The following KANK1 variants were observed in gnomAD, a reference collection of about 807,000 sequenced individuals.
The protein encoded by KANK1 is KN motif and ankyrin repeat domain-containing protein 1.
Under a neutral mutation model 106.2 loss-of-function variants are expected in KANK1, and 109 were observed. That is an observed-to-expected ratio of 1.03 (90% CI 0.88 to 1.20). The LOEUF is 1.20. KANK1 is among the 50% of genes most tolerant of loss of function. The probability of loss-of-function intolerance (pLI) is 0.00; values close to 1 mark genes in which losing one functional copy is unlikely to be tolerated. For missense variants in KANK1, 2,399 were observed against 1,710.7 expected, an observed-to-expected ratio of 1.40 and a Z score of -7.10; for synonymous variants, 873 against 652.2, an observed-to-expected ratio of 1.34 and a Z score of -5.16.
At chr9:687,674 G>A (rs946242057) in intron 2 of KANK1, among the ~76,000 whole-genome samples, 2 of 151,640 alleles carry the variant, frequency 1.3e-5, no homozygotes, top group Non-Finnish European at 2.9e-5. Flanking sequence ...ATTAATATAA[G>A]CCCTTCTTAT....
chr9:532,237 C>CTTTT (rs34351693), intron 1 of KANK1, among the ~76,000 whole-genome samples: 1 of 107,768 alleles, frequency 9.3e-6, no homozygotes, highest in African/African-American at 3.5e-5. Flanking sequence ...GAGCATTTGT[C>CTTTT]TTTTTTTTTT....
intron 2 of KANK1, among the ~76,000 whole-genome samples, chr9:688,629 A>T (rs1411656323): frequency 6.6e-6 from 1 of 150,852 alleles, no homozygotes; most frequent in African/African-American, 2.4e-5. Flanking sequence ...AGAAAGAAAG[A>T]TGGTATTGTC....
At position 740,768 on chromosome 9, in the gene KANK1, ACTTTTT is replaced by A. The variant is rs1564132634; in HGVS notation, c.3554-23_3554-18del. On this transcript the variant is annotated intron_variant, in intron 8 of 11. Coordinates refer to ENST00000382297, the MANE Select transcript of KANK1 (RefSeq NM_015158.5). The stretch of plus-strand genomic sequence containing the variant: ...ATTAGAAGGGGCTGCTTCCTAAGAG[ACTTTTT>A]TTTTTTTTTTTTTACAGATGTGTGT... The A allele has an allele frequency of 6.6e-7, 1 of 1,505,790 alleles. No individual in the cohort carries two copies. 93.3% of individuals were successfully genotyped at this position (1,505,790 alleles called of 1,614,324 possible).
intron 1 of KANK1, among the ~76,000 whole-genome samples, chr9:629,125 A>G (rs1835067917): frequency 6.6e-6 from 1 of 151,034 alleles, no homozygotes; most frequent in Non-Finnish European, 1.5e-5. Flanking sequence ...CTTTCTCTGT[A>G]GTATGTAAAA....
chr9:566,909 G>A (rs542395023), intron 1 of KANK1, among the ~76,000 whole-genome samples: 4 of 152,190 alleles, frequency 2.6e-5, no homozygotes, highest in East Asian at 1.9e-4. Context: ...TGACATTCTC[G>A]TCACGAAATC....
At chr9:599,307 C>A (rs1827138041) in intron 1 of KANK1, among the ~76,000 whole-genome samples, 1 of 151,490 alleles carries the variant, frequency 6.6e-6, no homozygotes, top group Non-Finnish European at 1.5e-5. Context: ...TGTGAGCCAC[C>A]ACACCCGGCA....
chr9:613,196 C>T (rs145179313), intron 1 of KANK1, among the ~76,000 whole-genome samples: 32 of 151,724 alleles, frequency 2.1e-4, no homozygotes, highest in African/African-American at 7.0e-4. Flanking sequence ...TAATTGTGAC[C>T]AGATACATAG....
chr9:514,983 C>G (rs1189165320), intron 1 of KANK1, among the ~76,000 whole-genome samples: 1 of 151,688 alleles, frequency 6.6e-6, no homozygotes, highest in African/African-American at 2.4e-5. Flanking sequence ...CCCTAGATGA[C>G]TAATGAAGAT....
intron 1 of KANK1, among the ~76,000 whole-genome samples, chr9:525,532 G>T (rs147616244): frequency 2.0e-5 from 3 of 150,958 alleles, no homozygotes; most frequent in Admixed American, 1.3e-4. Context: ...GGGATGCGCC[G>T]CCATGCCCTG....
At chr9:506,107 A>G (rs1045933598) in intron 1 of KANK1, among the ~76,000 whole-genome samples, 12 of 152,196 alleles carry the variant, frequency 7.9e-5, no homozygotes, top group Non-Finnish European at 1.6e-4. Context: ...CATCACTACC[A>G]TCTGATTCCA....
At chr9:628,641 C>T (rs1363665774) in intron 1 of KANK1, among the ~76,000 whole-genome samples, 2 of 152,110 alleles carry the variant, frequency 1.3e-5, no homozygotes, top group Non-Finnish European at 2.9e-5. Flanking sequence ...ACTTAGGATT[C>T]AAATCTTCAG....
chr9:612,017 C>A (rs977800464), intron 1 of KANK1, among the ~76,000 whole-genome samples: 1 of 152,142 alleles, frequency 6.6e-6, no homozygotes, highest in African/African-American at 2.4e-5. Context: ...CGCGCCCGGC[C>A]GACCATCTAA....
chr9:713,592 A>G (rs1826827708), intron 3 of KANK1, 128 bp downstream of exon 3: 2 of 974,468 alleles, frequency 2.1e-6, no homozygotes, highest in African/African-American at 3.3e-5. Flanking sequence ...TTAGAGTGGT[A>G]ATCTGTAGAA....
intron 1 of KANK1, among the ~76,000 whole-genome samples, chr9:546,685 A>C (rs1453097406): frequency 6.6e-6 from 1 of 151,420 alleles, no homozygotes; most frequent in Non-Finnish European, 1.5e-5. Flanking sequence ...CCAAGCAGTA[A>C]ATTCTGTAAT....
At chr9:569,722 T>C (rs188655673) in intron 1 of KANK1, among the ~76,000 whole-genome samples, 1 of 152,372 alleles carries the variant, frequency 6.6e-6, no homozygotes, top group African/African-American at 2.4e-5. Flanking sequence ...AGTTTACTTC[T>C]CTGGTTGGCT....
At position 582,075 on chromosome 9, in the gene KANK1, T is replaced by C. The variant is rs1441003664; in HGVS notation, c.-84+77321T>C. 2.0e-5 allele frequency among the ~76,000 whole-genome samples: 3 copies of C among 152,132 alleles called. No individual in the cohort carries two copies. In the East Asian group the frequency reaches 5.8e-4, roughly 29 times the overall value. On this transcript the variant is annotated intron_variant, in intron 1 of 11. Coordinates refer to ENST00000382297, the MANE Select transcript of KANK1 (RefSeq NM_015158.5). ...ATTGGAACTCCCCCTGCCCCAGAGT[T>C]GGTAACTGCTCAAATGCTGGCTGCC...
intron 1 of KANK1, among the ~76,000 whole-genome samples, chr9:625,205 C>T (rs1422999516): frequency 6.6e-6 from 1 of 152,182 alleles, no homozygotes; most frequent in Non-Finnish European, 1.5e-5. Flanking sequence ...AAGACTGCTA[C>T]TGTCACGGGA....
intron 2 of KANK1, among the ~76,000 whole-genome samples, chr9:699,642 A>G (rs1192504215): frequency 1.3e-5 from 2 of 152,232 alleles, no homozygotes; most frequent in South Asian, 2.1e-4. Flanking sequence ...AAACAAACCA[A>G]GCCTGTAAAA....
rs1271229923 is a variant in KANK1, at chr9:745,863, A to G, written c.*628A>G. ...ATTTTCAGCTTTTGTATTCCATACT[A>G]AAGCCATGAAGAACTACACGTAACA... On this transcript the variant is annotated 3_prime_UTR_variant, in exon 12 of 12. Coordinates refer to ENST00000382297, the MANE Select transcript of KANK1 (RefSeq NM_015158.5). 1 of 152,656 alleles carries G rather than the reference A, an allele frequency of 6.6e-6. No individual in the cohort carries two copies. Among genetic ancestry groups the G allele is most frequent in the Non-Finnish European group, 1.5e-5 (1 of 68,044 alleles). The allele number at this position is 152,656 out of a possible 1,614,324, so 9.5% of individuals were successfully genotyped here.
Sources: allele counts gnomAD v4.1 joint callset (sites outside exome capture counted in the v4.1 genomes callset), GRCh38; gene constraint gnomAD v4.1.1; transcripts MANE v1.5; gene names NCBI Gene and HGNC (gene_info 2026-07-23, HGNC 2026-07-21).